The following LITAF variants were observed in gnomAD, a reference collection of about 807,000 sequenced individuals.
LITAF encodes the protein lipopolysaccharide induced TNF factor, also known as lipopolysaccharide-induced tumor necrosis factor-alpha factor.
Under a neutral mutation model 14.5 loss-of-function variants are expected in LITAF, and 9 were observed. That is an observed-to-expected ratio of 0.62 (90% CI 0.37 to 1.08). The LOEUF (loss-of-function observed/expected upper bound fraction) is 1.08. LITAF is among the 50% of genes least tolerant of loss of function. LITAF has a pLI of 0.01. For missense variants in LITAF, 206 were observed against 213.4 expected (o/e 0.97, Z 0.22); for synonymous variants, 98 against 88.2 (o/e 1.11, Z -0.62).
chr16:11,616,937 C>G (rs1291662067), intron 3 of LITAF, among the ~76,000 whole-genome samples: 1 of 147,142 alleles, frequency 6.8e-6, no homozygotes, highest in African/African-American at 2.5e-5. Context: ...AAAAAGATGC[C>G]AGCAGGGCGC....
chr16:11,605,712 G>A lies in LITAF; in HGVS notation c.85+27821C>T, dbSNP rs1029691604. 5.9e-5 allele frequency among the ~76,000 whole-genome samples: 9 copies of A among 152,180 alleles called. No individual in the cohort carries two copies. Among genetic ancestry groups the A allele is most frequent in the Non-Finnish European group, 1.0e-4 (7 of 68,026 alleles). On this transcript the variant is annotated intron_variant, in intron 3 of 3. Coordinates refer to the LITAF transcript ENST00000574848. This position sits in a 1 kb window ranked among gnomAD's most constrained non-coding sequence, Gnocchi z 4.7. ...GGCCAGGAGTTCGAAGCTGCAGTGAGCTATGATTGCACCACTGCACTCTAG... is the reference window on the plus strand; with the variant it reads ...GGCCAGGAGTTCGAAGCTGCAGTGAACTATGATTGCACCACTGCACTCTAG...
chr16:11,562,214 C>A (rs1309657730), intron 1 of LITAF, among the ~76,000 whole-genome samples: 1 of 150,902 alleles, frequency 6.6e-6, no homozygotes, highest in Non-Finnish European at 1.5e-5. Context: ...AGCCACCGTG[C>A]CCTGCCTCTC....
intron 3 of LITAF, chr16:11,551,776 G>C (rs1169950688): frequency 5.8e-6 from 4 of 683,926 alleles, no homozygotes; most frequent in Non-Finnish European, 8.0e-6. Context: ...AAGCTGCGGA[G>C]AGCTACGATC....
chr16:11,587,066 C>G, upstream of LITAF: 1 of 174,564 alleles, frequency 5.7e-6, no homozygotes, highest in Non-Finnish European at 1.2e-5. Flanking sequence ...GCGAGACCAC[C>G]GCCGGTTCCC....
In LITAF at chr16:11,548,409, G is replaced by A. The variant is rs770384591; in HGVS notation, c.*1228C>T. The A allele has an allele frequency of 1.1e-5, 5 of 453,726 alleles. No homozygotes were observed. Among genetic ancestry groups the A allele is most frequent in the East Asian group, 6.9e-5 (1 of 14,394 alleles). 28.1% of individuals were successfully genotyped at this position (453,726 alleles called of 1,614,324 possible). ...TTTAGATTCCTCTGAAACAGTTCTG[G>A]TTCCCAAGCATCCGCACCATGGTAC... On this transcript the variant is annotated 3_prime_UTR_variant, in exon 4 of 4. Coordinates refer to ENST00000622633, the MANE Select transcript of LITAF (RefSeq NM_001136472.2).
intron 1 of LITAF, among the ~76,000 whole-genome samples, chr16:11,578,059 C>T (rs11645469): frequency 0.25 from 37,761 of 151,718 alleles, 5,870 homozygotes; most frequent in Non-Finnish European, 0.35. Flanking sequence ...CCACACTCAG[C>T]GATTTTTTTT....
At chr16:11,639,040 G>A (rs1190603121), upstream of LITAF, among the ~76,000 whole-genome samples, 1 of 152,084 alleles carries the variant, frequency 6.6e-6, no homozygotes, top group Non-Finnish European at 1.5e-5. Context: ...ATGCATGGGT[G>A]AATGGTTAGG....
chr16:11,615,138 C>T (rs925856575), intron 3 of LITAF, among the ~76,000 whole-genome samples: 1 of 152,204 alleles, frequency 6.6e-6, no homozygotes, highest in Non-Finnish European at 1.5e-5. Context: ...GCAGGAAAGT[C>T]CCAGGGGACA....
intron 3 of LITAF, among the ~76,000 whole-genome samples, chr16:11,550,054 T>C (rs1211281908): frequency 6.6e-6 from 1 of 152,108 alleles, no homozygotes; most frequent in African/African-American, 2.4e-5. Flanking sequence ...AGGCAAAAAA[T>C]GATTCTCCCT....
At chr16:11,637,914 C>A (rs1412809198), upstream of LITAF, among the ~76,000 whole-genome samples, 428 of 49,058 alleles carry the variant, frequency 8.7e-3, 108 homozygotes, top group African/African-American at 0.07. Flanking sequence ...ATATATATAT[C>A]TATATCTATA....
chr16:11,637,932 CTATATCTATATATCTATATATATCTATA>C (rs1329813072), upstream of LITAF, among the ~76,000 whole-genome samples: 456 of 41,010 alleles, frequency 0.011, 71 homozygotes, highest in East Asian at 0.077. Context: ...ATATCTATAT[CTATATCTATATATCTATATATATCTATA>C]TATATCTATA....
At chr16:11,618,655 G>A (rs1169794543) in intron 3 of LITAF, among the ~76,000 whole-genome samples, 6 of 152,154 alleles carry the variant, frequency 3.9e-5, no homozygotes, top group African/African-American at 1.4e-4. Context: ...ATTTCTGGGG[G>A]TGGGGAGGGG....
intron 3 of LITAF, among the ~76,000 whole-genome samples, chr16:11,609,837 C>A (rs2064973338): frequency 6.6e-6 from 1 of 152,328 alleles, no homozygotes; most frequent in South Asian, 2.1e-4. Flanking sequence ...TCCTTGAAAT[C>A]CAAACGGAAA....
chr16:11,574,283 C>T (rs1242755934), intron 1 of LITAF, among the ~76,000 whole-genome samples: 5 of 152,024 alleles, frequency 3.3e-5, no homozygotes, highest in Admixed American at 1.3e-4. Context: ...CTAAAGCAAT[C>T]CTCCCACCTT....
At chr16:11,607,794 T>A (rs751739791) in intron 3 of LITAF, among the ~76,000 whole-genome samples, 1 of 152,182 alleles carries the variant, frequency 6.6e-6, no homozygotes, top group Non-Finnish European at 1.5e-5. Flanking sequence ...GGTCATTCAT[T>A]GTTATGGGCG....
intron 1 of LITAF, among the ~76,000 whole-genome samples, chr16:11,598,090 A>G (rs2064902578): frequency 6.6e-6 from 1 of 152,080 alleles, no homozygotes; most frequent in African/African-American, 2.4e-5. Context: ...CTTTTTGTAG[A>G]GATGGGTTTC....
At chr16:11,629,354 G>C (rs1047396223) in intron 3 of LITAF, 5 of 152,482 alleles carry the variant, frequency 3.3e-5, no homozygotes, top group Non-Finnish European at 5.9e-5. Context: ...TAGAAGTGAG[G>C]GTTCTCAGAA....
chr16:11,555,192 T>A (rs905764020), intron 2 of LITAF, among the ~76,000 whole-genome samples: 1 of 151,934 alleles, frequency 6.6e-6, no homozygotes, highest in Non-Finnish European at 1.5e-5. Flanking sequence ...GCCATCACAC[T>A]CAGCTAATTT....
At chr16:11,624,692 C>A (rs2065072686) in intron 3 of LITAF, among the ~76,000 whole-genome samples, 1 of 152,160 alleles carries the variant, frequency 6.6e-6, no homozygotes, top group Admixed American at 6.5e-5. Flanking sequence ...CAACAGACTG[C>A]AGTTAAACAT....
Sources: gnomAD v4.1 joint callset for allele counts (sites outside exome capture counted in the v4.1 genomes callset) on GRCh38, gnomAD v4.1.1 for gene constraint, Gnocchi (gnomAD v3.1) non-coding constraint, MANE v1.5 for transcripts, NCBI Gene and HGNC (gene_info 2026-07-23, HGNC 2026-07-21) for gene names.